Variants in APOC3 observed in about 807,000 individuals in gnomAD.
APOC3 encodes apolipoprotein C-III.
In APOC3, 6 loss-of-function variants were observed where a neutral mutation model predicts 7.3. The observed-to-expected ratio is 0.82, with a 90% CI of 0.45 to 1.61. The LOEUF is 1.61. APOC3 is among the 40% of genes most tolerant of loss of function. The probability of loss-of-function intolerance (pLI) is 0.01; values close to 1 mark genes in which losing one functional copy is unlikely to be tolerated. For synonymous variants in APOC3, 45 were observed against 51.2 expected (o/e 0.88, Z 0.52); for missense variants, 123 against 124.9 (o/e 0.98, Z 0.07).
At chr11:116,831,262 C>CT (rs1488215484) in intron 3 of APOC3, among the ~76,000 whole-genome samples, 639 of 43,062 alleles carry the variant, frequency 0.015, 9 homozygotes, top group African/African-American at 0.037. Flanking sequence ...TCTTTCCTTT[C>CT]TTTCTTTCCT....
At chr11:116,831,093 C>T (rs1276727869) in intron 3 of APOC3, 197 bp downstream of exon 3, 1 of 682,242 alleles carries the variant, frequency 1.5e-6, no homozygotes, top group East Asian at 2.7e-5. Flanking sequence ...GACTGCATTC[C>T]TCCCAGGTCC....
chr11:116,831,682 A>G (rs1257427808), intron 3 of APOC3, among the ~76,000 whole-genome samples: 1 of 152,068 alleles, frequency 6.6e-6, no homozygotes, highest in Non-Finnish European at 1.5e-5. Context: ...CCTTTTCTGA[A>G]GGTCTGGCTA....
Position 116,832,865 on chromosome 11 carries a change from C to T in APOC3, c.281C>T (p.Thr94Ile). Reference protein sequence around the residue: ...FWDLDPEVRPTSAVAA With the variant: ...FWDLDPEVRPISAVAA ...GATTTGGACCCTGAGGTCAGACCAACTTCAGCCGTGGCTGCCTGAGACCTC... is the reference window on the plus strand; with the variant it reads ...GATTTGGACCCTGAGGTCAGACCAATTTCAGCCGTGGCTGCCTGAGACCTC... Residue 94 changes from threonine (T) to isoleucine (I), a missense_variant, in exon 4 of 4, where the codon ACT (threonine) becomes ATT (isoleucine). Transcript: ENST00000227667. 6.2e-7 allele frequency: 1 copy of T among 1,613,944 alleles called. No individual in the cohort carries two copies. Among genetic ancestry groups the T allele is most frequent in the Non-Finnish European group, 8.5e-7 (1 of 1,180,032 alleles).
At chr11:116,830,406 C>A (rs2070669) in intron 1 of APOC3, 164 bp from the exon 2 acceptor site, 9 of 730,086 alleles carry the variant, frequency 1.2e-5, no homozygotes, top group Admixed American at 4.4e-5. Context: ...ATCCCTCGCC[C>A]CTCACCAGTC....
intron 3 of APOC3, among the ~76,000 whole-genome samples, chr11:116,831,441 T>C (rs1041059792): frequency 6.6e-6 from 1 of 151,308 alleles, no homozygotes; most frequent in Admixed American, 6.6e-5. Context: ...CTCGGCTCAC[T>C]GCAACCTCCG....
rs1402675635 is a variant in APOC3, at chr11:116,833,009, T to G, written c.*125T>G. On this transcript the variant is annotated 3_prime_UTR_variant, in exon 4 of 4. Coordinates refer to ENST00000227667, the MANE Select transcript of APOC3 (RefSeq NM_000040.3). Reference sequence around the variant, plus strand: ...ATTCTCAGTGCTCTCCTACCCCACCTCATGCCTGGCCCCCCTCCAGGCATG... The same window carrying G: ...ATTCTCAGTGCTCTCCTACCCCACCGCATGCCTGGCCCCCCTCCAGGCATG... 8 of 1,369,082 alleles carry G rather than the reference T, an allele frequency of 5.8e-6. No individual in the cohort carries two copies. Among genetic ancestry groups the G allele is most frequent in the Non-Finnish European group, 8.2e-6 (8 of 975,548 alleles). 84.8% of individuals were successfully genotyped at this position (1,369,082 alleles called of 1,614,324 possible).
Position 116,830,893 on chromosome 11 carries a change from C to T in APOC3, c.176C>T (p.Ala59Val). The T allele has an allele frequency of 6.2e-7, 1 of 1,612,614 alleles. No individual in the cohort carries two copies. Among genetic ancestry groups the T allele is most frequent in the Non-Finnish European group, 8.5e-7 (1 of 1,179,954 alleles). Reference sequence around the variant, plus strand: ...CAGGAGTCCCAGGTGGCCCAGCAGGCCAGGTACACCCGCTGGCCTCCCTCC... The same window carrying T: ...CAGGAGTCCCAGGTGGCCCAGCAGGTCAGGTACACCCGCTGGCCTCCCTCC... ...SVQESQVAQQ[A>V]RGWVTDGFSS... The change falls in exon 3 of 4, where the codon GCC (alanine) becomes GTC (valine). Residue 59 changes from alanine to valine, a missense_variant. Ala to Val is a moderately conservative substitution (Grantham distance 64, BLOSUM62 0). Coordinates refer to ENST00000227667, the MANE Select transcript of APOC3 (RefSeq NM_000040.3).
chr11:116,830,598 C>G lies in APOC3; in HGVS notation c.16C>G (p.Leu6Val), dbSNP rs897724132. 1 of 1,613,924 alleles carries G rather than the reference C, an allele frequency of 6.2e-7. No individual in the cohort carries two copies. Among genetic ancestry groups the G allele is most frequent in the Non-Finnish European group, 8.5e-7 (1 of 1,180,016 alleles). The change falls in exon 2 of 4, where the codon CTC becomes GTC. Residue 6 changes from leucine (L) to valine (V), a missense_variant. By Grantham distance (32) the Leu-to-Val change is conservative. Transcript: ENST00000227667. ...CAGAGGTGCCATGCAGCCCCGGGTA[C>G]TCCTTGTTGTTGCCCTCCTGGCGCT... The part of the protein sequence containing the change: MQPRV[L>V]LVVALLALLA...
intron 3 of APOC3, chr11:116,831,184 T>A (rs1044916444): frequency 9.8e-6 from 2 of 204,402 alleles, no homozygotes; most frequent in Non-Finnish European, 1.9e-5. Flanking sequence ...TTTCTTTCTC[T>A]TTCTATTTCT....
At chr11:116,832,161 A>T (rs1033371585) in intron 3 of APOC3, among the ~76,000 whole-genome samples, 1 of 150,316 alleles carries the variant, frequency 6.7e-6, no homozygotes, top group African/African-American at 2.5e-5. Context: ...GCCCATCAGT[A>T]CTCTCCTCTC....
chr11:116,831,191 TTCTTTCTTTCTTTCTTTCTTTC>T (rs1369955453), intron 3 of APOC3: 2,177 of 160,136 alleles, frequency 0.014, 320 homozygotes, highest in Middle Eastern at 0.024. Flanking sequence ...CTCTTTCTAT[TTCTTTCTTTCTTTCTTTCTTTC>T]TTTCTTTCTT....
intron 3 of APOC3, among the ~76,000 whole-genome samples, chr11:116,831,736 T>C (rs189907059): frequency 1.7e-4 from 26 of 152,300 alleles, no homozygotes; most frequent in Admixed American, 4.6e-4. Context: ...ACCAGTTTTG[T>C]GGTGGACAAT....
chr11:116,832,900 A>T lies in APOC3; in HGVS notation c.*16A>T. On this transcript the variant is annotated 3_prime_UTR_variant, in exon 4 of 4. Coordinates refer to ENST00000227667, the MANE Select transcript of APOC3 (RefSeq NM_000040.3). ...GGCTGCCTGAGACCTCAATACCCCA[A>T]GTCCACCTGCCTATCCATCCTGCGA... is the stretch of plus-strand genomic sequence containing the variant. 1 of 1,613,526 alleles carries T rather than the reference A, an allele frequency of 6.2e-7. No homozygotes were observed. The highest frequency in any genetic ancestry group is 8.5e-7 in the Non-Finnish European group (1 of 1,180,006).
rs1565336406 is a variant in APOC3, at chr11:116,831,209, C to CTA, written c.179+314_179+315insAT. 7.2e-3 allele frequency: 950 copies of CTA among 132,796 alleles called. 16 individuals carry two copies. Among genetic ancestry groups the CTA allele is most frequent in the African/African-American group, 0.034 (895 of 26,350 alleles). 8.2% of individuals were successfully genotyped at this position (132,796 alleles called of 1,614,324 possible). On this transcript the variant is annotated intron_variant, in intron 3 of 3. Coordinates refer to ENST00000227667, the MANE Select transcript of APOC3 (RefSeq NM_000040.3). ...TTTCTATTTCTTTCTTTCTTTCTTT[C>CTA]TTTCTTTCTTTCTTTCTTTCTTTCT...
At chr11:116,832,685 G>A (rs1941474992) in intron 3 of APOC3, 79 bp from the exon 4 acceptor site, 3 of 1,600,730 alleles carry the variant, frequency 1.9e-6, no homozygotes, top group Non-Finnish European at 2.6e-6. Flanking sequence ...TCGTCCAGTG[G>A]GGACATGGGT....
At chr11:116,831,743 C>G (rs559134486) in intron 3 of APOC3, among the ~76,000 whole-genome samples, 1 of 152,296 alleles carries the variant, frequency 6.6e-6, no homozygotes, top group South Asian at 2.1e-4. Flanking sequence ...TTGTGGTGGA[C>G]AATTTTTCCA....
intron 3 of APOC3, chr11:116,831,205 C>CTATT (rs1941447564): frequency 1.9e-5 from 2 of 106,638 alleles, no homozygotes; most frequent in Admixed American, 2.0e-4. Flanking sequence ...TTCTTTCTTT[C>CTATT]TTTCTTTCTT....
At chr11:116,830,481 G>A (rs1446481553) in intron 1 of APOC3, 89 bp from the exon 2 acceptor site, 10 of 1,416,634 alleles carry the variant, frequency 7.1e-6, no homozygotes, top group East Asian at 2.3e-5. Context: ...CCCAGCTAAG[G>A]TTCTACCTTA....
chr11:116,832,476 C>A (rs988786357), intron 3 of APOC3, among the ~76,000 whole-genome samples: 5 of 152,240 alleles, frequency 3.3e-5, no homozygotes, highest in Admixed American at 1.3e-4. Context: ...CCTTTCACAT[C>A]TCCCCACCCT....
Sources: gnomAD v4.1 joint callset for allele counts (sites outside exome capture counted in the v4.1 genomes callset) on GRCh38, gnomAD v4.1.1 for gene constraint, MANE v1.5 for transcripts, NCBI Gene and HGNC (gene_info 2026-07-23, HGNC 2026-07-21) for gene names.